The following CNTNAP2 variants were observed in gnomAD, a reference collection of about 807,000 sequenced individuals.
CNTNAP2 encodes the protein contactin associated protein 2.
In CNTNAP2, 98 loss-of-function variants were observed where a neutral mutation model predicts 155.2. That is an observed-to-expected ratio of 0.63 (90% confidence interval 0.54 to 0.75). The LOEUF is 0.75. CNTNAP2 is among the 30% of genes least tolerant of loss of function. The pLI is 0.00. For missense variants in CNTNAP2, 1,727 were observed against 1,688.1 expected (o/e 1.02, Z -0.40); for synonymous variants, 651 against 631.2 (o/e 1.03, Z -0.47).
chr7:147,934,696 A>T (rs773519519), intron 14 of CNTNAP2, among the ~76,000 whole-genome samples: 1 of 152,242 alleles, frequency 6.6e-6, no homozygotes, highest in Non-Finnish European at 1.5e-5. Flanking sequence ...TTGAACTTGG[A>T]TCAAAGTAAC....
At position 147,061,988 on chromosome 7, in the gene CNTNAP2, C is replaced by T. The variant is rs866730143; in HGVS notation, c.550+17934C>T. 1.4e-4 allele frequency among the ~76,000 whole-genome samples: 21 copies of T among 151,428 alleles called. 1 individual carries two copies. The highest frequency in any genetic ancestry group is 4.8e-4 in the African/African-American group (20 of 41,346). On this transcript the variant is annotated intron_variant, in intron 4 of 23. Transcript: ENST00000361727. ...CTAAAAATACAAAAATTTAGCCAGG[C>T]GTGGTGGCGGGCGCCTGTAGTCCCA...
chr7:146,426,473 AAAC>A (rs2129115768), intron 1 of CNTNAP2, among the ~76,000 whole-genome samples: 1 of 151,038 alleles, frequency 6.6e-6, no homozygotes, highest in East Asian at 1.9e-4. Context: ...GTATATATAT[AAAC>A]ACACACACAT....
intron 10 of CNTNAP2, among the ~76,000 whole-genome samples, chr7:147,423,279 C>A (rs1797326632): frequency 6.7e-6 from 1 of 148,360 alleles, no homozygotes; most frequent in African/African-American, 2.4e-5. Flanking sequence ...TTATAGGTGT[C>A]TCTTAATTAA....
At position 147,507,251 on chromosome 7, in the gene CNTNAP2, G is replaced by A. The variant is rs1240993667; in HGVS notation, c.1777+21210G>A. ...TCAAGTTAGCAAATATGACATATAG[G>A]AAAGTAGATAAGAATGCAGGGGTAT... On this transcript the variant is annotated intron_variant, in intron 11 of 23. Transcript: ENST00000361727. 3.3e-5 allele frequency among the ~76,000 whole-genome samples: 5 copies of A among 152,160 alleles called. No homozygotes were observed. The East Asian group carries it at 9.6e-4, about 29-fold the overall frequency.
intron 10 of CNTNAP2, among the ~76,000 whole-genome samples, chr7:147,403,559 A>C (rs1000193949): frequency 1.3e-5 from 2 of 152,142 alleles, no homozygotes; most frequent in African/African-American, 2.4e-5. Context: ...TGACGAAGGG[A>C]GGGTGATTGA....
chr7:146,947,557 G>GTATGTATATATATA (rs1797210847), intron 3 of CNTNAP2, among the ~76,000 whole-genome samples: 1 of 50,714 alleles, frequency 2.0e-5, no homozygotes, highest in African/African-American at 5.7e-5. Context: ...GTGTGTGTGT[G>GTATGTATATATATA]TATATATATA....
intron 3 of CNTNAP2, among the ~76,000 whole-genome samples, chr7:146,854,791 G>A (rs1478002356): frequency 6.6e-6 from 1 of 152,140 alleles, no homozygotes; most frequent in Non-Finnish European, 1.5e-5. Context: ...GCATCATTGT[G>A]TGCAGTTGGC....
chr7:147,368,470 A>T (rs1796284439), intron 9 of CNTNAP2, among the ~76,000 whole-genome samples: 1 of 152,038 alleles, frequency 6.6e-6, no homozygotes, highest in African/African-American at 2.4e-5. Context: ...TAGAGTGTCT[A>T]ATATTTTGAG....
chr7:146,760,939 A>G (rs1563219849), intron 1 of CNTNAP2, among the ~76,000 whole-genome samples: 1 of 152,210 alleles, frequency 6.6e-6, no homozygotes, highest in Non-Finnish European at 1.5e-5. Context: ...TAACCTGTGA[A>G]GTCTTGAATC....
intron 18 of CNTNAP2, among the ~76,000 whole-genome samples, chr7:148,200,393 C>G (rs184327665): frequency 1.7e-4 from 26 of 151,432 alleles, no homozygotes; most frequent in Non-Finnish European, 3.7e-4. Context: ...CACTTCTTTT[C>G]TTTCTTTCTC....
chr7:147,718,229 A>C (rs558477177), intron 13 of CNTNAP2, among the ~76,000 whole-genome samples: 11 of 152,102 alleles, frequency 7.2e-5, no homozygotes, highest in African/African-American at 2.7e-4. Context: ...TTTCATATAT[A>C]GGTATAGGTA....
At chr7:146,928,452 G>A (rs532006488) in intron 3 of CNTNAP2, among the ~76,000 whole-genome samples, 8 of 152,234 alleles carry the variant, frequency 5.3e-5, no homozygotes, top group East Asian at 3.9e-4. Context: ...TTCGGGACTC[G>A]CAGCCAAGAT....
chr7:148,405,364 G>T (rs144216321), intron 22 of CNTNAP2, among the ~76,000 whole-genome samples: 1 of 148,270 alleles, frequency 6.7e-6, no homozygotes, highest in Non-Finnish European at 1.5e-5. Flanking sequence ...CACTATCTCC[G>T]TATGTTCTGC....
chr7:147,993,172 T>A (rs1256830528), intron 15 of CNTNAP2, among the ~76,000 whole-genome samples: 1 of 152,168 alleles, frequency 6.6e-6, no homozygotes, highest in Non-Finnish European at 1.5e-5. Flanking sequence ...AGATACTGAG[T>A]TTGCTCTGAC....
chr7:146,973,371 G>A (rs1168263898), intron 3 of CNTNAP2, among the ~76,000 whole-genome samples: 1 of 152,168 alleles, frequency 6.6e-6, no homozygotes, highest in African/African-American at 2.4e-5. Flanking sequence ...CACATGGTTT[G>A]TGGCAACTAA....
chr7:146,741,242 C>T (rs1055399139), intron 1 of CNTNAP2, among the ~76,000 whole-genome samples: 2 of 152,072 alleles, frequency 1.3e-5, no homozygotes, highest in Admixed American at 6.5e-5. Flanking sequence ...GTAAAAAGAT[C>T]CTAGCCCTTG....
chr7:146,882,833 A>G (rs1049462529), intron 3 of CNTNAP2, among the ~76,000 whole-genome samples: 18 of 152,206 alleles, frequency 1.2e-4, no homozygotes, highest in Non-Finnish European at 1.3e-4. Context: ...AGCTACAAAA[A>G]GAAGAAAATA....
rs183451102 is a variant in CNTNAP2, at chr7:146,443,086, C to T, written c.97+326113C>T. ...AAAATTAGCTGGGCGTGGTGGCGGGCGACTGTAGTCCCAGCTACTAGGGAG... is the reference window on the plus strand; with the variant it reads ...AAAATTAGCTGGGCGTGGTGGCGGGTGACTGTAGTCCCAGCTACTAGGGAG... On this transcript the variant is annotated intron_variant, in intron 1 of 23. Transcript: ENST00000361727. Among the ~76,000 whole-genome samples, 561 of 151,106 alleles carry T rather than the reference C, an allele frequency of 3.7e-3. 3 individuals are homozygous for T. Among genetic ancestry groups the T allele is most frequent in the African/African-American group, 0.013 (519 of 41,266 alleles).
At chr7:146,661,833 C>A (rs570363001) in intron 1 of CNTNAP2, among the ~76,000 whole-genome samples, 19 of 150,712 alleles carry the variant, frequency 1.3e-4, no homozygotes, top group Non-Finnish European at 2.7e-4. Flanking sequence ...GAGTAAATGG[C>A]TGGGTAGGAT....
Sources: allele counts gnomAD v4.1 joint callset (sites outside exome capture counted in the v4.1 genomes callset), GRCh38; gene constraint gnomAD v4.1.1; transcripts MANE v1.5; gene names NCBI Gene and HGNC (gene_info 2026-07-23, HGNC 2026-07-21).